Variants in BRINP1 observed in about 807,000 individuals in gnomAD.
BRINP1 encodes BMP/retinoic acid-inducible neural-specific protein 1.
A neutral mutation model predicts 72.9 loss-of-function variants in BRINP1; 17 were observed. That is an observed-to-expected ratio of 0.23 (90% CI 0.16 to 0.35). The LOEUF is 0.35. BRINP1 is among the 10% of genes least tolerant of loss of function. The probability of loss-of-function intolerance (pLI) is 1.00; values close to 1 mark genes in which losing one functional copy is unlikely to be tolerated. For synonymous variants in BRINP1, 418 were observed against 378.5 expected, an observed-to-expected ratio of 1.10 and a Z score of -1.21; for missense variants, 850 against 1,001.6, an observed-to-expected ratio of 0.85 and a Z score of 2.04.
rs1264695171 is a variant in BRINP1, at chr9:119,167,558, C to G, written c.1812G>C (p.Leu604=). The change falls in exon 8 of 8, where the codon CTG becomes CTC. Residue 604 remains leucine, a synonymous_variant. Coordinates refer to ENST00000265922, the MANE Select transcript of BRINP1 (RefSeq NM_014618.3). This position sits in a 1 kb window ranked among gnomAD's most constrained non-coding sequence, Gnocchi z 4.3. Reference sequence around the variant, plus strand: ...CGAAAAATGTTTTCCACCGATTGCCCAGCAAAAGAGTCCAGTTGTAGCACT... The same window carrying G: ...CGAAAAATGTTTTCCACCGATTGCCGAGCAAAAGAGTCCAGTTGTAGCACT... The part of the protein sequence containing the change: ...NSQCYNWTLL[L]GNRWKTFFET... The G allele has an allele frequency of 2.5e-6, 4 of 1,614,034 alleles. No homozygotes were observed. The highest frequency in any genetic ancestry group is 3.4e-6 in the Non-Finnish European group (4 of 1,180,036).
rs145857963 is a variant in BRINP1, at chr9:119,168,130, C to T, written c.1240G>A (p.Val414Met). The T allele has an allele frequency of 3.5e-5, 56 of 1,603,898 alleles. No homozygotes were observed. In the African/African-American group the frequency reaches 4.1e-4, roughly 12 times the overall value. ...CACAGCGTGGTGCTGCCGTGGCACA[C>T]GCAGCTCCGCTGGCTCTCCAGGAAG... ...GTFLESQRSCVCHGSTTLCQR... is the reference protein window; with the variant it reads ...GTFLESQRSCMCHGSTTLCQR... The change falls in exon 8 of 8, where the codon GTG (valine) becomes ATG (methionine). Residue 414 changes from valine to methionine, a missense_variant. By Grantham distance (21) the Val-to-Met change is conservative. Transcript: ENST00000265922.
intron 1 of BRINP1, among the ~76,000 whole-genome samples, chr9:119,330,676 T>G (rs1831290353): frequency 6.6e-6 from 1 of 152,212 alleles, no homozygotes; most frequent in Admixed American, 6.5e-5. Context: ...AAAACTGGCA[T>G]GCAATAAATG....
intron 2 of BRINP1, among the ~76,000 whole-genome samples, chr9:119,297,182 TAAAA>T (rs1830890152): frequency 6.6e-6 from 1 of 152,098 alleles, no homozygotes; most frequent in African/African-American, 2.4e-5. Context: ...CAATAAAACT[TAAAA>T]AGAAAAGAAA....
In BRINP1 at chr9:119,208,703, TG is replaced by T. The variant is rs747164028; in HGVS notation, c.1145+15del. On this transcript the variant is annotated intron_variant, in intron 7 of 7. Transcript: ENST00000265922. The stretch of plus-strand genomic sequence containing the variant: ...AGGTAGGTGCCTGCAGAGGTGGAGG[TG>T]GTGGCAACACTTACCTCTCTCTAGG... 5 of 1,610,044 alleles carry T rather than the reference TG, an allele frequency of 3.1e-6. No individual in the cohort carries two copies. The African/African-American group carries it at 6.7e-5, about 22-fold the overall frequency.
chr9:119,283,734 T>C (rs1337764348), intron 2 of BRINP1, among the ~76,000 whole-genome samples: 1 of 152,182 alleles, frequency 6.6e-6, no homozygotes, highest in East Asian at 1.9e-4. Flanking sequence ...GGTTTCACCA[T>C]GTTGGCCAGG....
At chr9:119,175,494 C>G (rs1410602133) in intron 7 of BRINP1, among the ~76,000 whole-genome samples, 1 of 152,012 alleles carries the variant, frequency 6.6e-6, no homozygotes, top group African/African-American at 2.4e-5. Flanking sequence ...ACGTTCTGCA[C>G]ATGTATCCCA....
At chr9:119,192,549 T>C (rs905847827) in intron 7 of BRINP1, among the ~76,000 whole-genome samples, 1 of 151,974 alleles carries the variant, frequency 6.6e-6, no homozygotes, top group Non-Finnish European at 1.5e-5. Flanking sequence ...CTATACAATA[T>C]TGCCCTGCTC....
intron 2 of BRINP1, among the ~76,000 whole-genome samples, chr9:119,300,763 T>TC (rs1445365909): frequency 1.3e-5 from 2 of 152,236 alleles, no homozygotes; most frequent in Non-Finnish European, 2.9e-5. Context: ...ACCCTTTGCT[T>TC]AAACAGCTCT....
chr9:119,186,006 G>C (rs1474477604), intron 7 of BRINP1, among the ~76,000 whole-genome samples: 1 of 152,182 alleles, frequency 6.6e-6, no homozygotes, highest in Non-Finnish European at 1.5e-5. Context: ...CCCCAGCCAA[G>C]CTGCTGCAGT....
At chr9:119,272,298 G>T (rs1012923274) in intron 2 of BRINP1, among the ~76,000 whole-genome samples, 12 of 152,006 alleles carry the variant, frequency 7.9e-5, no homozygotes, top group Non-Finnish European at 1.2e-4. Flanking sequence ...GGCCAGGCTG[G>T]TCTCAAACTC....
intron 2 of BRINP1, among the ~76,000 whole-genome samples, chr9:119,259,673 T>C (rs1830479776): frequency 1.3e-5 from 2 of 152,252 alleles, no homozygotes; most frequent in African/African-American, 2.4e-5. Flanking sequence ...ATGAATTTTT[T>C]CCTTTCAGAT....
intron 1 of BRINP1, among the ~76,000 whole-genome samples, chr9:119,323,099 C>T (rs1831206038): frequency 6.6e-6 from 1 of 152,124 alleles, no homozygotes; most frequent in African/African-American, 2.4e-5. Flanking sequence ...GTTTGAGTGG[C>T]CTCTGACAGT....
intron 2 of BRINP1, among the ~76,000 whole-genome samples, chr9:119,292,003 C>A (rs1487909889): frequency 1.3e-5 from 2 of 152,128 alleles, no homozygotes; most frequent in African/African-American, 4.8e-5. Context: ...ACTTTATTCC[C>A]GGAGTCAGAA....
chr9:119,210,982 T>C (rs1176603355), intron 6 of BRINP1, among the ~76,000 whole-genome samples: 1 of 152,138 alleles, frequency 6.6e-6, no homozygotes, highest in African/African-American at 2.4e-5. Context: ...GTGAGCTGGC[T>C]GAAGGCAGGA....
chr9:119,227,751 A>G (rs2118892177), intron 5 of BRINP1, among the ~76,000 whole-genome samples: 1 of 152,154 alleles, frequency 6.6e-6, no homozygotes, highest in Non-Finnish European at 1.5e-5. Context: ...TGAGGTTACA[A>G]GTCCACATAA....
chr9:119,249,443 G>A (rs1053652012), intron 2 of BRINP1, among the ~76,000 whole-genome samples: 5 of 152,094 alleles, frequency 3.3e-5, no homozygotes, highest in African/African-American at 7.2e-5. Context: ...TTAGGGGTTG[G>A]GTAGAGGGAC....
intron 7 of BRINP1, among the ~76,000 whole-genome samples, chr9:119,200,605 C>T (rs1276518353): frequency 4.0e-5 from 5 of 124,476 alleles, no homozygotes; most frequent in African/African-American, 6.4e-5. Context: ...GCCTGGGTGA[C>T]AGGGCAGGAC....
rs546170220 is a variant in BRINP1 at position 119,191,108 on chromosome 9, A to C, written c.1145+17611T>G. Reference sequence around the variant, plus strand: ...ACATTTTTTCTTGTTAAAACTCATAAATTTAGCTATAGAATAAAAGTTTGT... The same window carrying C: ...ACATTTTTTCTTGTTAAAACTCATACATTTAGCTATAGAATAAAAGTTTGT... On this transcript the variant is annotated intron_variant, in intron 7 of 7. Transcript: ENST00000265922. 1.9e-4 allele frequency among the ~76,000 whole-genome samples: 29 copies of C among 152,128 alleles called. No individual in the cohort carries two copies. The East Asian group carries it at 3.1e-3, about 16-fold the overall frequency.
chr9:119,340,866 T>A (rs570196520), intron 1 of BRINP1, among the ~76,000 whole-genome samples: 17 of 152,118 alleles, frequency 1.1e-4, no homozygotes, highest in African/African-American at 3.6e-4. Flanking sequence ...GTAAGAATCG[T>A]ATGAAGGTCC....
Sources: allele counts gnomAD v4.1 joint callset (sites outside exome capture counted in the v4.1 genomes callset), GRCh38; gene constraint gnomAD v4.1.1; non-coding constraint Gnocchi (gnomAD v3.1); transcripts MANE v1.5; gene names NCBI Gene and HGNC (gene_info 2026-07-23, HGNC 2026-07-21).